The following CFAP45 variants were observed in gnomAD, a reference collection of about 807,000 sequenced individuals.
CFAP45 encodes cilia- and flagella-associated protein 45.
In CFAP45, 43 loss-of-function variants were observed where a neutral mutation model predicts 75.6. The observed-to-expected ratio is 0.57, with a 90% CI of 0.45 to 0.73. CFAP45 has a LOEUF of 0.73. Ranked by LOEUF, CFAP45 falls within the 30% of genes least tolerant of loss-of-function variation. CFAP45 has a pLI of 0.00. For missense variants in CFAP45, 689 were observed against 701.5 expected, an observed-to-expected ratio of 0.98 and a Z score of 0.20; for synonymous variants, 223 against 244.6, an observed-to-expected ratio of 0.91 and a Z score of 0.82.
chr1:159,886,235 G>A (rs1191682055), intron 6 of CFAP45, among the ~76,000 whole-genome samples: 1 of 152,032 alleles, frequency 6.6e-6, no homozygotes, highest in Non-Finnish European at 1.5e-5. Flanking sequence ...AGCTACTTGG[G>A]AAGCTGAAGC....
At chr1:159,887,091 C>A (rs138833839) in intron 5 of CFAP45, among the ~76,000 whole-genome samples, 201 of 152,270 alleles carry the variant, frequency 1.3e-3, no homozygotes, top group Middle Eastern at 0.01. Context: ...CCCATGAACT[C>A]CAGGTTGGAC....
chr1:159,872,473 C>T lies in CFAP45; in HGVS notation c.*12G>A, dbSNP rs375075914. 100 of 1,612,874 alleles carry T rather than the reference C, an allele frequency of 6.2e-5. No homozygotes were observed. The highest frequency in any genetic ancestry group is 6.7e-5 in the Admixed American group (4 of 60,012). On this transcript the variant is annotated 3_prime_UTR_variant, in exon 12 of 12. Coordinates refer to ENST00000368099, the MANE Select transcript of CFAP45 (RefSeq NM_012337.3). Reference sequence around the variant, plus strand: ...TCCCCCGAAGGCATCCTGAGGGCCACGAAGGCTCCCCTCAGTTCACAGAGG... The same window carrying T: ...TCCCCCGAAGGCATCCTGAGGGCCATGAAGGCTCCCCTCAGTTCACAGAGG...
At chr1:159,898,995 C>A (rs1056708207) in intron 1 of CFAP45, among the ~76,000 whole-genome samples, 33 of 152,352 alleles carry the variant, frequency 2.2e-4, no homozygotes, top group African/African-American at 7.7e-4. Context: ...AGTCTGTCCA[C>A]AAGTACATCC....
At chr1:159,886,427 TCTCTTCC>T (rs781397328) in intron 6 of CFAP45, 77 bp downstream of exon 6, 261 of 1,156,588 alleles carry the variant, frequency 2.3e-4, no homozygotes, top group Non-Finnish European at 3.3e-4. Flanking sequence ...CCATTTCTCA[TCTCTTCC>T]CTCTTTGCTA....
intron 1 of CFAP45, among the ~76,000 whole-genome samples, chr1:159,899,567 A>C (rs1436953405): frequency 6.9e-6 from 1 of 144,684 alleles, no homozygotes; most frequent in Non-Finnish European, 1.5e-5. Flanking sequence ...TCCCGGGTTC[A>C]CGCCATTCTC....
Position 159,873,059 on chromosome 1 carries a change from T to C in CFAP45, c.1462A>G (p.Lys488Glu), listed in dbSNP as rs1649318070. ...LRRQVRENQQKEVQNRIATFE... is the reference protein window; with the variant it reads ...LRRQVRENQQEEVQNRIATFE... ...GTGGCAATCCGGTTCTGCACTTCCT[T>C]CTGCTGGTTCTCGCGCACCTGGCGC... Residue 488 changes from lysine (K) to glutamate (E), a missense_variant, in exon 11 of 12, where the codon AAG (lysine) becomes GAG (glutamate). By Grantham distance (56) the Lys-to-Glu change is moderately conservative. Coordinates refer to ENST00000368099, the MANE Select transcript of CFAP45 (RefSeq NM_012337.3). 1 of 1,614,226 alleles carries C rather than the reference T, an allele frequency of 6.2e-7. No homozygotes were observed. The highest frequency in any genetic ancestry group is 2.2e-5 in the East Asian group (1 of 44,872).
Position 159,876,695 on chromosome 1 carries a change from T to TTCTGCGCCACTCTCTG in CFAP45, c.1197_1212dup (p.Lys405GlnfsTer20). On this transcript the variant is annotated frameshift_variant, in exon 10 of 12. Coordinates refer to ENST00000368099, the MANE Select transcript of CFAP45 (RefSeq NM_012337.3). LOFTEE classifies it high-confidence loss of function. ...TTCTTCCGCGCATTTTCCTTTTCCT[T>TTCTGCGCCACTCTCTG]TCTGCGCCACTCTCTGTCTGCAACC... 1.2e-6 allele frequency: 2 copies of TTCTGCGCCACTCTCTG among 1,614,210 alleles called. No homozygotes were observed.
At chr1:159,895,867 G>A (rs2494488) in intron 1 of CFAP45, among the ~76,000 whole-genome samples, 2 of 152,144 alleles carry the variant, frequency 1.3e-5, no homozygotes, top group African/African-American at 4.8e-5. Flanking sequence ...TGTAATTAAG[G>A]GAAAAGGTGC....
chr1:159,892,028 T>C lies in CFAP45; in HGVS notation c.129+1152A>G, dbSNP rs377210436. 2.5e-4 allele frequency among the ~76,000 whole-genome samples: 38 copies of C among 152,328 alleles called. No individual in the cohort carries two copies. In the South Asian group the frequency reaches 7.9e-3, roughly 32 times the overall value. On this transcript the variant is annotated intron_variant, in intron 2 of 11. Transcript: ENST00000368099. Reference sequence around the variant, plus strand: ...TTGGCCAGGTGGGGAGACTTACGCCTGTAATCCCAGCACTTTGGGAGGTCG... The same window carrying C: ...TTGGCCAGGTGGGGAGACTTACGCCCGTAATCCCAGCACTTTGGGAGGTCG...
chr1:159,884,622 T>G, intron 6 of CFAP45, 57 bp from the exon 7 acceptor site: 4 of 1,554,820 alleles, frequency 2.6e-6, no homozygotes, highest in Non-Finnish European at 3.5e-6. Flanking sequence ...TCTCCCAGAG[T>G]CCAACCTCCA....
chr1:159,884,350 T>G, intron 7 of CFAP45, 86 bp downstream of exon 7: 1 of 1,390,532 alleles, frequency 7.2e-7, no homozygotes, highest in Non-Finnish European at 9.7e-7. Context: ...TGGCAGAAAA[T>G]CAGTCAACAC....
chr1:159,883,177 G>C (rs1649590216), intron 7 of CFAP45, among the ~76,000 whole-genome samples: 1 of 152,222 alleles, frequency 6.6e-6, no homozygotes, highest in Non-Finnish European at 1.5e-5. Flanking sequence ...TGTTCCACAA[G>C]TTAAATGGCA....
At chr1:159,894,528 G>C (rs1278257717) in intron 1 of CFAP45, among the ~76,000 whole-genome samples, 2 of 152,242 alleles carry the variant, frequency 1.3e-5, no homozygotes, top group East Asian at 1.9e-4. Context: ...ACTTGAGGCA[G>C]TGGGTGAATG....
intron 8 of CFAP45, among the ~76,000 whole-genome samples, chr1:159,879,605 T>A (rs1047058540): frequency 6.6e-6 from 1 of 151,738 alleles, no homozygotes; most frequent in Non-Finnish European, 1.5e-5. Context: ...ATTCTCACTC[T>A]ATTGCTTGCA....
At chr1:159,882,238 T>C (rs907619357) in intron 7 of CFAP45, among the ~76,000 whole-genome samples, 13 of 152,016 alleles carry the variant, frequency 8.6e-5, no homozygotes, top group African/African-American at 3.1e-4. Flanking sequence ...TCGCTCCTTT[T>C]CCCCCTTCTC....
At chr1:159,898,025 G>A in intron 1 of CFAP45, 1 of 798,508 alleles carries the variant, frequency 1.3e-6, no homozygotes, top group African/African-American at 1.9e-5. Context: ...TAAACAGGTT[G>A]ACATGTTCAG....
chr1:159,891,992 GA>G (rs1212319468), intron 2 of CFAP45, among the ~76,000 whole-genome samples: 1 of 152,118 alleles, frequency 6.6e-6, no homozygotes, highest in Non-Finnish European at 1.5e-5. Flanking sequence ...GTCTGTAAGT[GA>G]AATTGCATTT....
At chr1:159,884,710 GC>G in intron 6 of CFAP45, 145 bp from the exon 7 acceptor site, 1 of 819,730 alleles carries the variant, frequency 1.2e-6, no homozygotes, top group Non-Finnish European at 1.9e-6. Context: ...TGCTTCATGA[GC>G]CCAGACCAAA....
intron 2 of CFAP45, among the ~76,000 whole-genome samples, chr1:159,891,426 T>C (rs1007940240): frequency 3.3e-5 from 5 of 152,182 alleles, no homozygotes; most frequent in African/African-American, 1.2e-4. Context: ...AGGCCTACCC[T>C]TAAGATCTAA....
Sources: allele counts gnomAD v4.1 joint callset (sites outside exome capture counted in the v4.1 genomes callset), GRCh38; gene constraint gnomAD v4.1.1; transcripts MANE v1.5; gene names NCBI Gene and HGNC (gene_info 2026-07-23, HGNC 2026-07-21).